Variants in MTMR3 observed in about 807,000 individuals in gnomAD.
MTMR3 encodes myotubularin related protein 3, also known as phosphatidylinositol-3,5-bisphosphate 3-phosphatase MTMR3.
Under a neutral mutation model 132.4 loss-of-function variants are expected in MTMR3, and 32 were observed. That is an observed-to-expected ratio of 0.24 (90% CI 0.18 to 0.32). The LOEUF (loss-of-function observed/expected upper bound fraction) is 0.32. Ranked by LOEUF, MTMR3 falls within the 10% of genes least tolerant of loss-of-function variation. MTMR3 has a pLI of 1.00. For missense variants in MTMR3, 1,216 were observed against 1,489.6 expected (o/e 0.82, Z 3.02); for synonymous variants, 556 against 550.3 (o/e 1.01, Z -0.14).
intron 1 of MTMR3, among the ~76,000 whole-genome samples, chr22:29,914,336 G>A (rs1018034511): frequency 2.0e-5 from 3 of 152,144 alleles, no homozygotes; most frequent in Non-Finnish European, 4.4e-5. Context: ...GTTTTAGTTT[G>A]TAATTTCCAG....
chr22:29,923,956 G>A (rs1480069847), intron 1 of MTMR3, among the ~76,000 whole-genome samples: 2 of 152,214 alleles, frequency 1.3e-5, no homozygotes, highest in African/African-American at 4.8e-5. Flanking sequence ...TAACAGATAT[G>A]TAATTTGCAG....
At chr22:29,980,845 A>G (rs2066727095) in intron 5 of MTMR3, 1 of 152,248 alleles carries the variant, frequency 6.6e-6, no homozygotes, top group Admixed American at 6.5e-5. Flanking sequence ...TACTTCTATG[A>G]TGAAGATCAG....
intron 2 of MTMR3, among the ~76,000 whole-genome samples, chr22:29,965,865 G>T (rs541044423): frequency 6.6e-6 from 1 of 151,980 alleles, no homozygotes; most frequent in African/African-American, 2.4e-5. Flanking sequence ...AGTTTTTTCA[G>T]ATTTCTCTGA....
At chr22:29,938,929 C>G (rs944911776) in intron 1 of MTMR3, among the ~76,000 whole-genome samples, 1 of 152,066 alleles carries the variant, frequency 6.6e-6, no homozygotes, top group African/African-American at 2.4e-5. Context: ...TCAACCGATT[C>G]TCCTGCCTCA....
intron 1 of MTMR3, among the ~76,000 whole-genome samples, chr22:29,921,980 G>A (rs2065425066): frequency 2.0e-5 from 3 of 151,164 alleles, no homozygotes; most frequent in Admixed American, 2.0e-4. Flanking sequence ...CTCCCAAGCA[G>A]CTGGGACTAC....
intron 14 of MTMR3, 122 bp from the exon 15 acceptor site, chr22:30,016,406 C>T: frequency 8.6e-7 from 1 of 1,157,988 alleles, no homozygotes; most frequent in East Asian, 2.4e-5. Flanking sequence ...ACTGGGTTCC[C>T]CGTCCTGACA....
At position 29,935,556 on chromosome 22, in the gene MTMR3, G is replaced by A. The variant is rs146956194; in HGVS notation, c.-137-21480G>A. 4.5e-3 allele frequency among the ~76,000 whole-genome samples: 683 copies of A among 152,272 alleles called. 6 individuals are homozygous for A. Among genetic ancestry groups the A allele is most frequent in the African/African-American group, 0.015 (644 of 41,568 alleles). ...CTGAAATGATACGGCAGAGTAAAAC[G>A]AGACGTCATATTTCTCCACTAGGTC... On this transcript the variant is annotated intron_variant, in intron 1 of 19. Coordinates refer to ENST00000401950, the MANE Select transcript of MTMR3 (RefSeq NM_021090.4).
chr22:29,949,501 C>G (rs1475612721), intron 1 of MTMR3, among the ~76,000 whole-genome samples: 1 of 117,138 alleles, frequency 8.5e-6, no homozygotes, highest in Non-Finnish European at 1.6e-5. Context: ...GTCCCCCGCG[C>G]CCCCCCCCAA....
intron 5 of MTMR3, chr22:29,981,115 G>A (rs1329291884): frequency 4.6e-5 from 7 of 152,072 alleles, no homozygotes; most frequent in Non-Finnish European, 1.5e-5. Flanking sequence ...CTCTTTCTTT[G>A]CTTTGTCTTT....
In MTMR3 at chr22:30,027,153, C is replaced by G. The variant is rs1235271871; in HGVS notation, c.*1352C>G. 6.5e-6 allele frequency: 1 copy of G among 152,702 alleles called. No homozygotes were observed. Among genetic ancestry groups the G allele is most frequent in the Non-Finnish European group, 1.5e-5 (1 of 68,072 alleles). 9.5% of individuals were successfully genotyped at this position (152,702 alleles called of 1,614,324 possible). A position where few individuals can be genotyped will look rare whatever the true frequency, so the allele number is the denominator to read the frequency against. On this transcript the variant is annotated 3_prime_UTR_variant, in exon 20 of 20. Coordinates refer to ENST00000401950, the MANE Select transcript of MTMR3 (RefSeq NM_021090.4). ...GGTTTGTGCTTTGTAATCTTGGCAT[C>G]CATGTTTTGTGCCTGCCCTCCCTCT...
At position 30,018,180 on chromosome 22, in the gene MTMR3, A is replaced by G. The variant is rs548471936; in HGVS notation, c.1820+108A>G. On this transcript the variant is annotated intron_variant, in intron 16 of 19. Coordinates refer to ENST00000401950, the MANE Select transcript of MTMR3 (RefSeq NM_021090.4). ...TCATGATGGTATCTGGCTCCACAGTATCTTTCTTAGGTCTCTGCAGTTTTT... is the reference window on the plus strand; with the variant it reads ...TCATGATGGTATCTGGCTCCACAGTGTCTTTCTTAGGTCTCTGCAGTTTTT... The G allele has an allele frequency of 7.2e-6, 9 of 1,255,274 alleles. No individual in the cohort carries two copies. The East Asian group carries it at 2.0e-4, about 27-fold the overall frequency. The allele number at this position is 1,255,274 out of a possible 1,614,324, so 77.8% of individuals were successfully genotyped here. A position where few individuals can be genotyped will look rare whatever the true frequency, so the allele number is the denominator to read the frequency against.
intron 3 of MTMR3, among the ~76,000 whole-genome samples, chr22:29,971,392 G>A (rs1313269011): frequency 6.6e-6 from 1 of 152,116 alleles, no homozygotes; most frequent in Non-Finnish European, 1.5e-5. Context: ...GAAGTAGCGT[G>A]TAGTGAAAAC....
chr22:29,964,211 T>A (rs147538097), intron 2 of MTMR3, among the ~76,000 whole-genome samples: 1,845 of 152,350 alleles, frequency 0.012, 17 homozygotes, highest in Middle Eastern at 0.02. Context: ...TGACTCAATT[T>A]CTTCCTTTTG....
chr22:29,884,103 A>G (rs1365907896), intron 1 of MTMR3, among the ~76,000 whole-genome samples: 2 of 152,200 alleles, frequency 1.3e-5, no homozygotes, highest in Non-Finnish European at 2.9e-5. Flanking sequence ...TTTTGGCCAC[A>G]TTAATAGACT....
At chr22:29,968,478 G>A (rs532905076) in intron 2 of MTMR3, among the ~76,000 whole-genome samples, 8 of 152,096 alleles carry the variant, frequency 5.3e-5, no homozygotes, top group African/African-American at 1.9e-4. Context: ...ACAGTATCCC[G>A]TTCTTTTAAT....
intron 1 of MTMR3, among the ~76,000 whole-genome samples, chr22:29,951,658 TTCTG>T (rs1165122989): frequency 4.6e-5 from 7 of 152,344 alleles, no homozygotes; most frequent in East Asian, 1.9e-4. Context: ...CTGTTTCAGA[TTCTG>T]TCTATTGCAG....
Position 29,972,529 on chromosome 22 carries a change from A to G in MTMR3, c.3+1467A>G, listed in dbSNP as rs565327985. Among the ~76,000 whole-genome samples the G allele has an allele frequency of 3.3e-5, 5 of 152,202 alleles. No individual in the cohort carries two copies. In the East Asian group the frequency reaches 9.6e-4, roughly 29 times the overall value. On this transcript the variant is annotated intron_variant, in intron 3 of 19. Transcript: ENST00000401950. ...AGTAGCATTGTTACAAGTTTTTACA[A>G]ATTCTCATTTATAACTCTACCACCA... is the stretch of plus-strand genomic sequence containing the variant.
At chr22:29,919,025 C>G (rs1255360135) in intron 1 of MTMR3, among the ~76,000 whole-genome samples, 2 of 152,128 alleles carry the variant, frequency 1.3e-5, no homozygotes, top group Admixed American at 6.5e-5. Flanking sequence ...AATTACAGGC[C>G]TGAGCCATTT....
chr22:29,968,178 G>T (rs1268523828), intron 2 of MTMR3, among the ~76,000 whole-genome samples: 1 of 152,120 alleles, frequency 6.6e-6, no homozygotes, highest in Non-Finnish European at 1.5e-5. Context: ...TTCCTCAGAG[G>T]TTGTACCACT....
Sources: gnomAD v4.1 joint callset for allele counts (sites outside exome capture counted in the v4.1 genomes callset) on GRCh38, gnomAD v4.1.1 for gene constraint, MANE v1.5 for transcripts, NCBI Gene and HGNC (gene_info 2026-07-23, HGNC 2026-07-21) for gene names.